MDGA2: variants seen among roughly 807,000 people sequenced by gnomAD.
MDGA2 encodes the protein MAM domain containing glycosylphosphatidylinositol anchor 2, also known as MAM domain-containing glycosylphosphatidylinositol anchor protein 2.
A neutral mutation model predicts 117.8 loss-of-function variants in MDGA2; 40 were observed. That is an observed-to-expected ratio of 0.34 (90% CI 0.26 to 0.44). The LOEUF (loss-of-function observed/expected upper bound fraction) is 0.44, where lower values mean the gene tolerates loss of function less well. MDGA2 is among the 20% of genes least tolerant of loss of function. The probability of loss-of-function intolerance (pLI) is 1.00; values close to 1 mark genes in which losing one functional copy is unlikely to be tolerated. For synonymous variants in MDGA2, 452 were observed against 439.0 expected, an observed-to-expected ratio of 1.03 and a Z score of -0.37; for missense variants, 1,123 against 1,250.6, an observed-to-expected ratio of 0.90 and a Z score of 1.54.
chr14:47,380,312 T>A (rs12897748), intron 1 of MDGA2, among the ~76,000 whole-genome samples: 5 of 151,772 alleles, frequency 3.3e-5, no homozygotes, highest in African/African-American at 1.2e-4. Context: ...TTAAAAGAAC[T>A]ACAAAAGCAA....
chr14:46,938,829 C>T (rs889462989), intron 9 of MDGA2, among the ~76,000 whole-genome samples: 3 of 152,090 alleles, frequency 2.0e-5, no homozygotes, highest in Non-Finnish European at 2.9e-5. Context: ...TATTGTAGTA[C>T]TATTCACAAT....
chr14:47,237,790 A>C (rs1184368838), intron 2 of MDGA2, among the ~76,000 whole-genome samples: 1 of 152,026 alleles, frequency 6.6e-6, no homozygotes, highest in African/African-American at 2.4e-5. Flanking sequence ...ACTACTCTAA[A>C]TATTCATCTG....
At chr14:46,992,698 T>C (rs888884095) in intron 8 of MDGA2, among the ~76,000 whole-genome samples, 1 of 152,174 alleles carries the variant, frequency 6.6e-6, no homozygotes, top group Non-Finnish European at 1.5e-5. Flanking sequence ...CCAGTAATCA[T>C]ATACTTATTT....
chr14:47,320,322 C>T (rs1453916485), intron 1 of MDGA2, among the ~76,000 whole-genome samples: 1 of 152,110 alleles, frequency 6.6e-6, no homozygotes, highest in Non-Finnish European at 1.5e-5. Context: ...TTCAAGGCTG[C>T]AGTGAGCTAC....
chr14:47,211,199 T>A (rs1200013692), intron 3 of MDGA2, among the ~76,000 whole-genome samples: 1 of 152,128 alleles, frequency 6.6e-6, no homozygotes, highest in African/African-American at 2.4e-5. Flanking sequence ...TTATTCTCCC[T>A]TATTTCGTGC....
chr14:46,879,107 ATTGTAT>A (rs1462026317), intron 11 of MDGA2, among the ~76,000 whole-genome samples: 1 of 151,990 alleles, frequency 6.6e-6, no homozygotes. Context: ...CCCCAATGTG[ATTGTAT>A]TTGGGGATAA....
rs1201814099 is a variant in MDGA2, at chr14:47,007,516, T to C, written c.1819+27495A>G. Among the ~76,000 whole-genome samples the C allele has an allele frequency of 3.3e-5, 5 of 151,934 alleles. No homozygotes were observed. The East Asian group carries it at 9.7e-4, about 29-fold the overall frequency. On this transcript the variant is annotated intron_variant, in intron 8 of 16. Transcript: ENST00000399232. ...TTTAGTATACATTAAAATTTTACCGTATCTCCTTAGGTGTGAGATGAACAC... is the reference window on the plus strand; with the variant it reads ...TTTAGTATACATTAAAATTTTACCGCATCTCCTTAGGTGTGAGATGAACAC...
Position 47,409,145 on chromosome 14 carries a change from ATG to A in MDGA2, c.281-107597_281-107596del, listed in dbSNP as rs1382338124. On this transcript the variant is annotated intron_variant, in intron 1 of 16. Transcript: ENST00000399232. The stretch of plus-strand genomic sequence containing the variant: ...GAGTGAAATGGGAAGACACTGGAAG[ATG>A]TAGAGAAAGCAAATAATATATGATT... Among the ~76,000 whole-genome samples the A allele has an allele frequency of 2.0e-5, 3 of 152,296 alleles. No individual in the cohort carries two copies. The East Asian group carries it at 5.8e-4, about 29-fold the overall frequency.
intron 3 of MDGA2, among the ~76,000 whole-genome samples, chr14:47,171,988 G>C (rs1884164594): frequency 6.6e-6 from 1 of 152,198 alleles, no homozygotes; most frequent in Admixed American, 6.5e-5. Flanking sequence ...TGCACCAGGA[G>C]ATTATATCCC....
At chr14:47,089,162 A>C (rs2138936932) in intron 6 of MDGA2, among the ~76,000 whole-genome samples, 1 of 152,274 alleles carries the variant, frequency 6.6e-6, no homozygotes, top group South Asian at 2.1e-4. Flanking sequence ...TTGGCAATGC[A>C]AGAATAGAGG....
chr14:47,029,570 T>G (rs1484344146), intron 8 of MDGA2, among the ~76,000 whole-genome samples: 1 of 152,114 alleles, frequency 6.6e-6, no homozygotes, highest in Non-Finnish European at 1.5e-5. Context: ...ACAGCAAAAG[T>G]GACATTCAAT....
intron 1 of MDGA2, among the ~76,000 whole-genome samples, chr14:47,577,816 T>C (rs1339125200): frequency 1.3e-5 from 2 of 152,218 alleles, no homozygotes; most frequent in Admixed American, 1.3e-4. Context: ...TTTAATTCTG[T>C]TGGTAGGAAT....
chr14:47,377,728 G>A lies in MDGA2; in HGVS notation c.281-76178C>T, dbSNP rs575170032. 4.6e-5 allele frequency among the ~76,000 whole-genome samples: 7 copies of A among 152,282 alleles called. No homozygotes were observed. The South Asian group carries it at 8.3e-4, about 18-fold the overall frequency. On this transcript the variant is annotated intron_variant, in intron 1 of 16. Coordinates refer to ENST00000399232, the MANE Select transcript of MDGA2 (RefSeq NM_001113498.3). ...AAAGCAACCAGGAAGCTCCAACTGG[G>A]TGGAGCCCACAGCAGCTCAAGGAGG...
At chr14:47,088,893 AATG>A (rs1197867195) in intron 6 of MDGA2, among the ~76,000 whole-genome samples, 2 of 152,230 alleles carry the variant, frequency 1.3e-5, no homozygotes, top group African/African-American at 4.8e-5. Context: ...TTCAAAATAT[AATG>A]ATATTTAGAA....
chr14:47,409,431 A>G (rs1036136329), intron 1 of MDGA2, among the ~76,000 whole-genome samples: 1 of 152,240 alleles, frequency 6.6e-6, no homozygotes, highest in Non-Finnish European at 1.5e-5. Context: ...TATCACAAAT[A>G]TATCACACTA....
chr14:47,362,495 C>T (rs1338187080), intron 1 of MDGA2, among the ~76,000 whole-genome samples: 2 of 151,988 alleles, frequency 1.3e-5, no homozygotes, highest in Non-Finnish European at 2.9e-5. Context: ...TTTTAATGTG[C>T]TTAATATTAT....
At chr14:46,862,344 A>C (rs1021197082) in intron 14 of MDGA2, among the ~76,000 whole-genome samples, 1 of 151,106 alleles carries the variant, frequency 6.6e-6, no homozygotes, top group Non-Finnish European at 1.5e-5. Flanking sequence ...CTCACGAATA[A>C]TGGCCAAAAC....
chr14:46,914,940 C>T (rs1238046423), intron 10 of MDGA2, among the ~76,000 whole-genome samples: 1 of 151,860 alleles, frequency 6.6e-6, no homozygotes, highest in Non-Finnish European at 1.5e-5. Context: ...ATTAATAATC[C>T]TTTGAATAAA....
intron 2 of MDGA2, among the ~76,000 whole-genome samples, chr14:47,263,685 C>G (rs963121235): frequency 2.0e-5 from 3 of 152,118 alleles, no homozygotes; most frequent in Non-Finnish European, 1.5e-5. Context: ...GTGATCACAT[C>G]TGAATAGCAA....
Sources: gnomAD v4.1 joint callset for allele counts (sites outside exome capture counted in the v4.1 genomes callset) on GRCh38, gnomAD v4.1.1 for gene constraint, MANE v1.5 for transcripts, NCBI Gene and HGNC (gene_info 2026-07-23, HGNC 2026-07-21) for gene names.